The following GABRA4 variants were observed in gnomAD, a reference collection of about 807,000 sequenced individuals.
The protein encoded by GABRA4 is gamma-aminobutyric acid type A receptor subunit alpha4, also known as gamma-aminobutyric acid receptor subunit alpha-4.
GABRA4 carries 12 observed loss-of-function variants against 49.7 expected under a neutral mutation model. That is an observed-to-expected ratio of 0.24 (90% confidence interval 0.15 to 0.39). The LOEUF is 0.39. GABRA4 is among the 10% of genes least tolerant of loss of function. The pLI is 1.00. For synonymous variants in GABRA4, 288 were observed against 240.2 expected (o/e 1.20, Z -1.84); for missense variants, 506 against 686.0 (o/e 0.74, Z 2.93).
chr4:46,945,594 A>G (rs1258830713), intron 8 of GABRA4, among the ~76,000 whole-genome samples: 1 of 152,134 alleles, frequency 6.6e-6, no homozygotes, highest in African/African-American at 2.4e-5. Flanking sequence ...TGCTATTTAA[A>G]TCTTCCATGA....
rs1264489463 is a variant in GABRA4 at position 46,923,679 on chromosome 4, C to T, written c.*4546G>A. On this transcript the variant is annotated 3_prime_UTR_variant, in exon 9 of 9. Transcript: ENST00000264318. Reference sequence around the variant, plus strand: ...ACCTCTAGATTTGTGGCCCTCCAAACCATAGTTCACACAATAATCAGGTGC... The same window carrying T: ...ACCTCTAGATTTGTGGCCCTCCAAATCATAGTTCACACAATAATCAGGTGC... 1.3e-5 allele frequency: 2 copies of T among 152,072 alleles called. No homozygotes were observed. The allele number at this position is 152,072 out of a possible 1,614,324, so 9.4% of individuals were successfully genotyped here.
intron 8 of GABRA4, among the ~76,000 whole-genome samples, chr4:46,961,977 A>G (rs946980439): frequency 2.6e-5 from 4 of 151,940 alleles, no homozygotes; most frequent in African/African-American, 9.7e-5. Flanking sequence ...TTTGTTTTAA[A>G]TCACAGACTC....
intron 6 of GABRA4, among the ~76,000 whole-genome samples, chr4:46,973,459 C>A (rs745688599): frequency 5.3e-5 from 8 of 151,702 alleles, no homozygotes; most frequent in Non-Finnish European, 7.4e-5. Context: ...TCTGACTGCA[C>A]CTCATCTTAG....
chr4:46,974,478 T>C, intron 5 of GABRA4, 103 bp from the exon 6 acceptor site: 1 of 1,083,350 alleles, frequency 9.2e-7, no homozygotes, highest in Non-Finnish European at 1.3e-6. Flanking sequence ...ATGGAATAAA[T>C]GAAAACAATG....
At chr4:46,967,231 G>T (rs570398629) in intron 7 of GABRA4, among the ~76,000 whole-genome samples, 1 of 151,488 alleles carries the variant, frequency 6.6e-6, no homozygotes, top group Non-Finnish European at 1.5e-5. Context: ...AATATGAACA[G>T]TGCAGTATAA....
chr4:46,940,910 C>CT (rs557715612), intron 8 of GABRA4, among the ~76,000 whole-genome samples: 8 of 152,028 alleles, frequency 5.3e-5, no homozygotes, highest in African/African-American at 1.9e-4. Flanking sequence ...CAAAGTGAAA[C>CT]TTTTTTTAAC....
rs1720890178 is a variant in GABRA4 at position 46,919,359 on chromosome 4, T to C, written c.*8866A>G. The C allele has an allele frequency of 6.6e-6, 1 of 151,546 alleles. No individual in the cohort carries two copies. The allele number at this position is 151,546 out of a possible 1,614,324, so 9.4% of individuals were successfully genotyped here. A position where few individuals can be genotyped will look rare whatever the true frequency, so the allele number is the denominator to read the frequency against. ...TCACTATAATATACCATGATAATAT[T>C]CCTACATTGAATAAAATTGCCAATT... is the stretch of plus-strand genomic sequence containing the variant. On this transcript the variant is annotated 3_prime_UTR_variant, in exon 9 of 9. Coordinates refer to ENST00000264318, the MANE Select transcript of GABRA4 (RefSeq NM_000809.4).
At chr4:46,988,910 A>C (rs1392697232) in intron 2 of GABRA4, among the ~76,000 whole-genome samples, 2 of 152,228 alleles carry the variant, frequency 1.3e-5, no homozygotes, top group African/African-American at 4.8e-5. Context: ...TGGTCAATTC[A>C]TTGGAAATTT....
chr4:46,950,033 G>T lies in GABRA4; in HGVS notation c.1134+14937C>A, dbSNP rs190585050. On this transcript the variant is annotated intron_variant, in intron 8 of 8. Coordinates refer to ENST00000264318, the MANE Select transcript of GABRA4 (RefSeq NM_000809.4). Reference sequence around the variant, plus strand: ...CTATGTATAACAGGTAACCTCCTTGGTGCCATTTTTAGATCAGCCCGTTGG... The same window carrying T: ...CTATGTATAACAGGTAACCTCCTTGTTGCCATTTTTAGATCAGCCCGTTGG... Among the ~76,000 whole-genome samples the T allele has an allele frequency of 5.3e-5, 8 of 152,138 alleles. No homozygotes were observed. In the East Asian group the frequency reaches 1.4e-3, roughly 26 times the overall value.
intron 6 of GABRA4, among the ~76,000 whole-genome samples, chr4:46,972,970 C>A (rs545411872): frequency 1.3e-5 from 2 of 151,750 alleles, no homozygotes; most frequent in Admixed American, 6.6e-5. Flanking sequence ...CAGTCAACAC[C>A]TTTTAAGAAC....
chr4:46,920,785 A>G lies in GABRA4; in HGVS notation c.*7440T>C, dbSNP rs893012479. 1 of 151,862 alleles carries G rather than the reference A, an allele frequency of 6.6e-6. No homozygotes were observed. Among genetic ancestry groups the G allele is most frequent in the Non-Finnish European group, 1.5e-5 (1 of 67,776 alleles). 9.4% of individuals were successfully genotyped at this position (151,862 alleles called of 1,614,324 possible). Reference sequence around the variant, plus strand: ...TGAAAAGTTTGTTTTACTGAAAACTAGATGAAATGTATACAGTAGAAAAAT... The same window carrying G: ...TGAAAAGTTTGTTTTACTGAAAACTGGATGAAATGTATACAGTAGAAAAAT... On this transcript the variant is annotated 3_prime_UTR_variant, in exon 9 of 9. Coordinates refer to ENST00000264318, the MANE Select transcript of GABRA4 (RefSeq NM_000809.4).
At chr4:46,947,301 A>C (rs1318521499) in intron 8 of GABRA4, among the ~76,000 whole-genome samples, 1 of 151,994 alleles carries the variant, frequency 6.6e-6, no homozygotes, top group Non-Finnish European at 1.5e-5. Flanking sequence ...CACATCACAC[A>C]CGCCGTCTGT....
At chr4:46,967,405 T>G (rs1722802267) in intron 7 of GABRA4, among the ~76,000 whole-genome samples, 1 of 151,540 alleles carries the variant, frequency 6.6e-6, no homozygotes, top group Non-Finnish European at 1.5e-5. Flanking sequence ...AGAAGTAGTG[T>G]TCTTCATCTT....
intron 2 of GABRA4, among the ~76,000 whole-genome samples, chr4:46,982,490 A>G (rs1242569387): frequency 6.6e-6 from 1 of 152,016 alleles, no homozygotes; most frequent in Middle Eastern, 3.2e-3. Context: ...ACACTTTGGT[A>G]TCCCCAGAAC....
intron 8 of GABRA4, 141 bp downstream of exon 8, chr4:46,964,829 A>G: frequency 1.1e-6 from 1 of 878,934 alleles, no homozygotes; most frequent in South Asian, 2.1e-5. Flanking sequence ...AAGCTCATAC[A>G]GTTACTTTTA....
At chr4:46,969,757 T>C (rs1477127113) in intron 7 of GABRA4, among the ~76,000 whole-genome samples, 1 of 151,480 alleles carries the variant, frequency 6.6e-6, no homozygotes. Context: ...GTGGCAGATT[T>C]GGGTTTAAAC....
At chr4:46,982,821 G>A (rs1308909803) in intron 2 of GABRA4, among the ~76,000 whole-genome samples, 1 of 152,092 alleles carries the variant, frequency 6.6e-6, no homozygotes, top group African/African-American at 2.4e-5. Flanking sequence ...TCTTCTAAGA[G>A]ACTGCCATGT....
intron 8 of GABRA4, among the ~76,000 whole-genome samples, chr4:46,949,377 T>C (rs1214229766): frequency 6.6e-6 from 1 of 152,106 alleles, no homozygotes; most frequent in Admixed American, 6.6e-5. Context: ...GACCATCTTT[T>C]ACATTTGTTC....
At chr4:46,954,664 C>G (rs578198008) in intron 8 of GABRA4, among the ~76,000 whole-genome samples, 71 of 151,924 alleles carry the variant, frequency 4.7e-4, no homozygotes, top group African/African-American at 1.5e-3. Context: ...TAGACATAAT[C>G]TTGCCTCACT....
Sources: gnomAD v4.1 joint callset for allele counts (sites outside exome capture counted in the v4.1 genomes callset) on GRCh38, gnomAD v4.1.1 for gene constraint, MANE v1.5 for transcripts, NCBI Gene and HGNC (gene_info 2026-07-23, HGNC 2026-07-21) for gene names.